The following NIPBL variants were observed in gnomAD, a reference collection of about 807,000 sequenced individuals.
The protein encoded by NIPBL is NIPBL cohesin loading factor.
NIPBL carries 19 observed loss-of-function variants against 321.8 expected under a neutral mutation model. The ratio of observed to expected loss-of-function variants is 0.06; its 90% CI spans 0.04 to 0.09. The LOEUF is 0.09. NIPBL is among the 10% of genes least tolerant of loss of function. NIPBL has a pLI of 1.00. For missense variants in NIPBL, 2,210 were observed against 3,327.0 expected, an observed-to-expected ratio of 0.66 and a Z score of 8.26; for synonymous variants, 1,106 against 1,114.1, an observed-to-expected ratio of 0.99 and a Z score of 0.14.
intron 34 of NIPBL, among the ~76,000 whole-genome samples, chr5:37,040,955 G>A (rs1243965538): frequency 6.6e-6 from 1 of 151,602 alleles, no homozygotes; most frequent in South Asian, 2.1e-4. Flanking sequence ...TGACCAGTGG[G>A]GCTTGCTTTT....
At chr5:36,919,134 G>T (rs1002601457) in intron 1 of NIPBL, among the ~76,000 whole-genome samples, 1 of 151,902 alleles carries the variant, frequency 6.6e-6, no homozygotes, top group Non-Finnish European at 1.5e-5. Flanking sequence ...GGTAGAATTC[G>T]AATCCATTTA....
intron 31 of NIPBL, among the ~76,000 whole-genome samples, 167 bp from the exon 32 acceptor site, chr5:37,027,192 T>A (rs1475489106): frequency 1.3e-5 from 2 of 152,206 alleles, no homozygotes; most frequent in Non-Finnish European, 2.9e-5. Flanking sequence ...AGAATAAAGT[T>A]CTGTAACGTT....
Position 36,970,901 on chromosome 5 carries a change from A to T in NIPBL, c.636A>T (p.Ala212=). Residue 212 remains alanine, a synonymous_variant, in exon 7 of 47, where the codon GCA becomes GCT. Coordinates refer to ENST00000282516, the MANE Select transcript of NIPBL (RefSeq NM_133433.4). ...QQASVSSPIV[A]GGLRNIHDNK... ...CATCGGTATCAAGTCCCATTGTTGC[A>T]GGTGGTTTGAGAAACATACATGATA... The T allele has an allele frequency of 6.2e-7, 1 of 1,613,706 alleles. No homozygotes were observed. Among genetic ancestry groups the T allele is most frequent in the Non-Finnish European group, 8.5e-7 (1 of 1,179,768 alleles).
intron 6 of NIPBL, among the ~76,000 whole-genome samples, chr5:36,970,386 A>T (rs1490199103): frequency 2.8e-5 from 4 of 144,684 alleles, no homozygotes; most frequent in African/African-American, 1.1e-4. Flanking sequence ...CTGTAAAAAA[A>T]ATAAATAAAT....
chr5:36,930,007 G>A (rs775813593), intron 1 of NIPBL, among the ~76,000 whole-genome samples: 13 of 151,740 alleles, frequency 8.6e-5, no homozygotes, highest in Non-Finnish European at 1.3e-4. Context: ...TTTGAAATTG[G>A]GTAGTATAAG....
At position 37,052,476 on chromosome 5, in the gene NIPBL, G is replaced by T. The variant is rs777083356; in HGVS notation, c.7173G>T (p.Leu2391Phe). Residue 2391 changes from leucine (L) to phenylalanine (F), a missense_variant, in exon 42 of 47, where the codon TTG (leucine) becomes TTT (phenylalanine). This residue lies in a region of NIPBL where 112 missense variants were observed against 288.3 expected (regional missense o/e 0.39). Coordinates refer to ENST00000282516, the MANE Select transcript of NIPBL (RefSeq NM_133433.4). ...GACAAGACGAGTCCTCTAGCGCTTT[G>T]TGTTCACACCTTTACTCCATGATCC... ...GFRQDESSSALCSHLYSMIRG... is the reference protein window; with the variant it reads ...GFRQDESSSAFCSHLYSMIRG... 2.5e-6 allele frequency: 4 copies of T among 1,613,986 alleles called. No homozygotes were observed. The highest frequency in any genetic ancestry group is 2.5e-6 in the Non-Finnish European group (3 of 1,180,024).
chr5:37,048,420 A>T, intron 38 of NIPBL, 82 bp from the exon 39 acceptor site: 3 of 850,584 alleles, frequency 3.5e-6, no homozygotes. Flanking sequence ...GGAGCCGTTT[A>T]TATAATTTAT....
At chr5:36,913,217 G>A (rs1046843932) in intron 1 of NIPBL, among the ~76,000 whole-genome samples, 1 of 152,120 alleles carries the variant, frequency 6.6e-6, no homozygotes, top group Non-Finnish European at 1.5e-5. Flanking sequence ...TTGTTGTATA[G>A]GAGAATGTCC....
At chr5:37,061,391 T>C (rs1754658744) in intron 45 of NIPBL, among the ~76,000 whole-genome samples, 1 of 152,110 alleles carries the variant, frequency 6.6e-6, no homozygotes, top group Non-Finnish European at 1.5e-5. Flanking sequence ...AAAAATGGCG[T>C]AGTGGGCTGC....
At chr5:36,976,581 T>C (rs577469226) in intron 9 of NIPBL, among the ~76,000 whole-genome samples, 179 bp downstream of exon 9, 15 of 152,272 alleles carry the variant, frequency 9.9e-5, no homozygotes, top group African/African-American at 3.6e-4. Flanking sequence ...ATTTCATTTA[T>C]TGTCTGAAAC....
chr5:37,020,626 T>A lies in NIPBL; in HGVS notation c.5178T>A (p.Phe1726Leu). Reference sequence around the variant, plus strand: ...ATCGAGCTGAAAACCGAAAAAAGTTTCTTAGAAGCATTATCAAAACCACAC... The same window carrying A: ...ATCGAGCTGAAAACCGAAAAAAGTTACTTAGAAGCATTATCAAAACCACAC... Reference protein sequence around the residue: ...IMHRAENRKKFLRSIIKTTPS... With the variant: ...IMHRAENRKKLLRSIIKTTPS... The change falls in exon 26 of 47, where the codon TTT (phenylalanine) becomes TTA (leucine). Residue 1726 changes from phenylalanine to leucine, a missense_variant. By Grantham distance (22) the Phe-to-Leu change is conservative. Coordinates refer to ENST00000282516, the MANE Select transcript of NIPBL (RefSeq NM_133433.4). The A allele has an allele frequency of 6.2e-7, 1 of 1,614,156 alleles. No homozygotes were observed. Among genetic ancestry groups the A allele is most frequent in the South Asian group, 1.1e-5 (1 of 91,088 alleles).
intron 33 of NIPBL, among the ~76,000 whole-genome samples, chr5:37,038,032 C>G (rs1384075332): frequency 1.4e-5 from 2 of 146,166 alleles, no homozygotes; most frequent in Non-Finnish European, 3.0e-5. Flanking sequence ...CTCTGTCACC[C>G]AGGCTGGGGT....
chr5:37,042,479 A>G (rs907375556), intron 34 of NIPBL, among the ~76,000 whole-genome samples: 1 of 149,254 alleles, frequency 6.7e-6, no homozygotes, highest in Admixed American at 6.7e-5. Context: ...ATTACTAACA[A>G]TGAGGATTAG....
intron 1 of NIPBL, among the ~76,000 whole-genome samples, chr5:36,903,406 G>T (rs1747383232): frequency 6.6e-6 from 1 of 152,146 alleles, no homozygotes; most frequent in South Asian, 2.1e-4. Flanking sequence ...CTGTGGGTTT[G>T]CTATAGATGG....
rs1561164473 is a variant in NIPBL, at chr5:37,017,009, T to C, written c.4777-10T>C. 2.5e-6 allele frequency: 4 copies of C among 1,572,720 alleles called. No individual in the cohort carries two copies. Among genetic ancestry groups the C allele is most frequent in the Non-Finnish European group, 3.5e-6 (4 of 1,151,492 alleles). Reference sequence around the variant, plus strand: ...AAATCTATTCAATCAAAAACTATTTTGATATTTAGGTTCATCAGTTCAGTA... The same window carrying C: ...AAATCTATTCAATCAAAAACTATTTCGATATTTAGGTTCATCAGTTCAGTA... On this transcript the variant is annotated splice_polypyrimidine_tract_variant and intron_variant, in intron 23 of 46. Coordinates refer to ENST00000282516, the MANE Select transcript of NIPBL (RefSeq NM_133433.4).
At chr5:37,031,169 A>G (rs893935099) in intron 32 of NIPBL, among the ~76,000 whole-genome samples, 1 of 151,968 alleles carries the variant, frequency 6.6e-6, no homozygotes, top group Non-Finnish European at 1.5e-5. Context: ...TATCTTTAGT[A>G]GAGACGGGGT....
At chr5:37,031,640 C>T (rs1334473236) in intron 32 of NIPBL, among the ~76,000 whole-genome samples, 1 of 152,196 alleles carries the variant, frequency 6.6e-6, no homozygotes, top group East Asian at 1.9e-4. Context: ...CCTGTTTCAT[C>T]TCTTCCTGTC....
chr5:36,923,381 T>C (rs1242844136), intron 1 of NIPBL, among the ~76,000 whole-genome samples: 3 of 152,066 alleles, frequency 2.0e-5, no homozygotes, highest in East Asian at 1.9e-4. Context: ...CTCTGAGATA[T>C]ATATATATTT....
chr5:36,962,841 G>A (rs1457484479), intron 6 of NIPBL, among the ~76,000 whole-genome samples: 3 of 152,126 alleles, frequency 2.0e-5, no homozygotes, highest in African/African-American at 7.2e-5. Flanking sequence ...TTAAAGTACT[G>A]TATAGTGCAT....
Sources: allele counts gnomAD v4.1 joint callset (sites outside exome capture counted in the v4.1 genomes callset), GRCh38; gene constraint gnomAD v4.1.1; regional missense constraint gnomAD v4.1.1; transcripts MANE v1.5; gene names NCBI Gene and HGNC (gene_info 2026-07-23, HGNC 2026-07-21).